The following INPP5A variants were observed in gnomAD, a reference collection of about 807,000 sequenced individuals.
INPP5A encodes 43 kDa inositol polyphosphate 5-phophatase.
In INPP5A, 14 loss-of-function variants were observed where a neutral mutation model predicts 65.2. The ratio of observed to expected loss-of-function variants is 0.21; its 90% confidence interval spans 0.14 to 0.34. The LOEUF (loss-of-function observed/expected upper bound fraction) is 0.34. INPP5A is among the 10% of genes least tolerant of loss of function. INPP5A has a pLI of 1.00. For missense variants in INPP5A, 431 were observed against 545.6 expected (o/e 0.79, Z 2.09); for synonymous variants, 207 against 208.3 (o/e 0.99, Z 0.05).
intron 4 of INPP5A, among the ~76,000 whole-genome samples, chr10:132,664,617 T>C (rs1198968102): frequency 6.6e-6 from 1 of 152,194 alleles, no homozygotes; most frequent in Non-Finnish European, 1.5e-5. Context: ...TGGCTGGGCC[T>C]CTGAGTGCGC....
At chr10:132,615,103 A>T (rs2072013712) in intron 2 of INPP5A, among the ~76,000 whole-genome samples, 1 of 152,118 alleles carries the variant, frequency 6.6e-6, no homozygotes, top group Admixed American at 6.5e-5. Flanking sequence ...AGATGGAGGG[A>T]TGGTGCGTGG....
chr10:132,780,830 GTCTGTTTCCCCT>G lies in INPP5A; in HGVS notation c.1090-17_1090-6del. On this transcript the variant is annotated splice_polypyrimidine_tract_variant and splice_region_variant and intron_variant, in intron 13 of 15. Coordinates refer to ENST00000368594, the MANE Select transcript of INPP5A (RefSeq NM_005539.5). ...GTGCCCCACCTCCCCACACTCACCTGTCTGTTTCCCCTTTCCAGTCGGAGAGCGAGGAGAAGG... is the reference window on the plus strand; with the variant it reads ...GTGCCCCACCTCCCCACACTCACCTGTTCCAGTCGGAGAGCGAGGAGAAGG... The G allele has an allele frequency of 6.2e-7, 1 of 1,611,924 alleles. No individual in the cohort carries two copies. Among genetic ancestry groups the G allele is most frequent in the Non-Finnish European group, 8.5e-7 (1 of 1,178,624 alleles).
chr10:132,585,898 A>G (rs910514984), intron 1 of INPP5A, among the ~76,000 whole-genome samples: 3 of 152,228 alleles, frequency 2.0e-5, no homozygotes. Context: ...ATGACACTGC[A>G]GCCTCTGTCC....
At chr10:132,652,708 T>A (rs1452927298) in intron 4 of INPP5A, among the ~76,000 whole-genome samples, 4 of 152,158 alleles carry the variant, frequency 2.6e-5, no homozygotes, top group Non-Finnish European at 4.4e-5. Context: ...ACAGGTATTT[T>A]AAAAGTGAAG....
chr10:132,670,890 G>C (rs527924503), intron 4 of INPP5A, among the ~76,000 whole-genome samples: 1 of 147,758 alleles, frequency 6.8e-6, no homozygotes, highest in Non-Finnish European at 1.5e-5. Context: ...ATATTCATGT[G>C]GTCAGGACAG....
intron 6 of INPP5A, among the ~76,000 whole-genome samples, chr10:132,702,918 G>A (rs1845459454): frequency 6.6e-6 from 1 of 152,178 alleles, no homozygotes; most frequent in African/African-American, 2.4e-5. Flanking sequence ...TGTGGGCTTG[G>A]GGGAGTGGCA....
chr10:132,649,098 C>T (rs182021209), intron 3 of INPP5A, among the ~76,000 whole-genome samples: 15 of 152,232 alleles, frequency 9.9e-5, no homozygotes, highest in Admixed American at 2.0e-4. Flanking sequence ...CGGTTTGGAT[C>T]GCCTCTGTTG....
intron 1 of INPP5A, among the ~76,000 whole-genome samples, chr10:132,542,763 G>A (rs1462183409): frequency 1.3e-5 from 2 of 152,144 alleles, no homozygotes; most frequent in African/African-American, 4.8e-5. Flanking sequence ...GGCTGTGCTG[G>A]GACAGAATTC....
At chr10:132,655,233 C>T (rs961645149) in intron 4 of INPP5A, among the ~76,000 whole-genome samples, 2 of 152,234 alleles carry the variant, frequency 1.3e-5, no homozygotes, top group African/African-American at 2.4e-5. Context: ...AGCCCTTGCT[C>T]CTGGGTTCAG....
chr10:132,602,526 C>T (rs2071789506), intron 1 of INPP5A, among the ~76,000 whole-genome samples: 1 of 152,162 alleles, frequency 6.6e-6, no homozygotes, highest in African/African-American at 2.4e-5. Flanking sequence ...AACTCCTAAC[C>T]TCAGGTGATC....
intron 4 of INPP5A, among the ~76,000 whole-genome samples, chr10:132,683,398 T>C (rs2073077076): frequency 2.0e-5 from 3 of 152,262 alleles, no homozygotes; most frequent in Admixed American, 2.0e-4. Flanking sequence ...TACACATGTG[T>C]ATTATCCTAT....
intron 12 of INPP5A, among the ~76,000 whole-genome samples, chr10:132,774,077 G>A (rs1398550114): frequency 2.4e-4 from 36 of 152,312 alleles, no homozygotes; most frequent in Non-Finnish European, 1.5e-5. Flanking sequence ...GACCCTCTTG[G>A]AAGTCTGTGC....
chr10:132,678,050 C>G lies in INPP5A; in HGVS notation c.307-12342C>G, dbSNP rs970353905. On this transcript the variant is annotated intron_variant, in intron 4 of 15. Transcript: ENST00000368594. The surrounding 1 kb of genome is among the most constrained non-coding windows in gnomAD (Gnocchi z 4.1). ...GCAGCCAGCCGGGAGAGGGGCTCGG[C>G]AGGAGGCCAGACAGGGGGACACCTT... Among the ~76,000 whole-genome samples the G allele has an allele frequency of 2.0e-5, 3 of 152,236 alleles. No individual in the cohort carries two copies. Among genetic ancestry groups the G allele is most frequent in the Admixed American group, 2.0e-4 (3 of 15,288 alleles).
At position 132,555,773 on chromosome 10, in the gene INPP5A, G is replaced by T. The variant is rs75509020; in HGVS notation, c.75+17602G>T. Among the ~76,000 whole-genome samples the T allele has an allele frequency of 6.6e-6, 1 of 152,194 alleles. No homozygotes were observed. Among genetic ancestry groups the T allele is most frequent in the African/African-American group, 2.4e-5 (1 of 41,440 alleles). On this transcript the variant is annotated intron_variant, in intron 1 of 15. Transcript: ENST00000368594. This position sits in a 1 kb window ranked among gnomAD's most constrained non-coding sequence, Gnocchi z 4.4. Reference sequence around the variant, plus strand: ...CTGACACACCTTGTCACACTCTGCAGGGTGTTTTGTTGCCCTCAGCACGTG... The same window carrying T: ...CTGACACACCTTGTCACACTCTGCATGGTGTTTTGTTGCCCTCAGCACGTG...
intron 2 of INPP5A, among the ~76,000 whole-genome samples, chr10:132,625,728 T>G (rs2072173619): frequency 6.6e-6 from 1 of 152,076 alleles, no homozygotes; most frequent in East Asian, 1.9e-4. Context: ...GGGGCGTGCC[T>G]TGGCCCTGGG....
Position 132,587,328 on chromosome 10 carries a change from G to A in INPP5A, c.76-20587G>A, listed in dbSNP as rs956868091. Among the ~76,000 whole-genome samples, 1 of 152,154 alleles carries A rather than the reference G, an allele frequency of 6.6e-6. No homozygotes were observed. Among genetic ancestry groups the A allele is most frequent in the African/African-American group, 2.4e-5 (1 of 41,434 alleles). On this transcript the variant is annotated intron_variant, in intron 1 of 15. Transcript: ENST00000368594. The surrounding 1 kb of genome is among the most constrained non-coding windows in gnomAD (Gnocchi z 4.3). ...GGGGCTGGTACATCCTCACAGGGGT[G>A]GCAGGGGGTCCGATTGAGGAGCAGT...
At chr10:132,733,283 G>A (rs961895906) in intron 9 of INPP5A, among the ~76,000 whole-genome samples, 5 of 152,198 alleles carry the variant, frequency 3.3e-5, no homozygotes, top group Non-Finnish European at 7.3e-5. Flanking sequence ...CATGAATCTG[G>A]GGGCACACCG....
chr10:132,780,858 G>C lies in INPP5A; in HGVS notation c.1099G>C (p.Glu367Gln). The C allele has an allele frequency of 6.2e-7, 1 of 1,613,210 alleles. No individual in the cohort carries two copies. Among genetic ancestry groups the C allele is most frequent in the Non-Finnish European group, 8.5e-7 (1 of 1,179,804 alleles). The change falls in exon 14 of 16, where the codon GAG becomes CAG. Residue 367 changes from glutamate to glutamine, a missense_variant. By Grantham distance (29) the Glu-to-Gln change is conservative. Transcript: ENST00000368594. The part of the protein sequence containing the change: ...AKELVLRSES[E>Q]EKVVTYDHIG... ...TGTTTCCCCTTTCCAGTCGGAGAGC[G>C]AGGAGAAGGTTGTCACCTATGACCA...
At chr10:132,672,041 C>T (rs2072898993) in intron 4 of INPP5A, among the ~76,000 whole-genome samples, 2 of 152,230 alleles carry the variant, frequency 1.3e-5, no homozygotes, top group South Asian at 2.1e-4. Flanking sequence ...GGACAGGTTT[C>T]GTTAGAGGTC....
Sources: allele counts gnomAD v4.1 joint callset (sites outside exome capture counted in the v4.1 genomes callset), GRCh38; gene constraint gnomAD v4.1.1; non-coding constraint Gnocchi (gnomAD v3.1); transcripts MANE v1.5; gene names NCBI Gene and HGNC (gene_info 2026-07-23, HGNC 2026-07-21).